The following EVI5 variants were observed in gnomAD, a reference collection of about 807,000 sequenced individuals.
The protein encoded by EVI5 is ecotropic viral integration site 5.
In EVI5, 73 loss-of-function variants were observed where a neutral mutation model predicts 112.0. That is an observed-to-expected ratio of 0.65 (90% confidence interval 0.54 to 0.79). The LOEUF (loss-of-function observed/expected upper bound fraction) is 0.79. Ranked by LOEUF, EVI5 falls within the 30% of genes least tolerant of loss-of-function variation. The probability of loss-of-function intolerance (pLI) is 0.00; values close to 1 mark genes in which losing one functional copy is unlikely to be tolerated. For missense variants in EVI5, 900 were observed against 968.8 expected (o/e 0.93, Z 0.94); for synonymous variants, 305 against 319.9 (o/e 0.95, Z 0.50).
intron 19 of EVI5, among the ~76,000 whole-genome samples, chr1:92,559,122 T>TA (rs1378557432): frequency 6.6e-6 from 1 of 152,204 alleles, no homozygotes; most frequent in Non-Finnish European, 1.5e-5. Flanking sequence ...AGATAACTTA[T>TA]AATACCTAAT....
intron 19 of EVI5, among the ~76,000 whole-genome samples, chr1:92,541,073 CA>C (rs1475613844): frequency 6.6e-6 from 1 of 151,304 alleles, no homozygotes; most frequent in Non-Finnish European, 1.5e-5. Context: ...GACTCTGTCT[CA>C]AAAAAACAAA....
chr1:92,644,647 AATATT>A (rs1660615570), intron 13 of EVI5, among the ~76,000 whole-genome samples: 1 of 152,142 alleles, frequency 6.6e-6, no homozygotes, highest in Non-Finnish European at 1.5e-5. Context: ...TTTTCCACTT[AATATT>A]ATAAGCACTT....
At chr1:92,643,112 C>T (rs1465683779) in intron 13 of EVI5, among the ~76,000 whole-genome samples, 3 of 152,076 alleles carry the variant, frequency 2.0e-5, no homozygotes, top group Non-Finnish European at 2.9e-5. Flanking sequence ...GTCAGATGTG[C>T]AACTGTGTGA....
At chr1:92,620,646 A>G (rs1654339462) in intron 16 of EVI5, among the ~76,000 whole-genome samples, 1 of 152,160 alleles carries the variant, frequency 6.6e-6, no homozygotes, top group Non-Finnish European at 1.5e-5. Flanking sequence ...AAAACTGTCA[A>G]GGCAGAATTC....
chr1:92,662,653 GA>G (rs879246976), intron 13 of EVI5, 65 bp downstream of exon 13: 1,724 of 947,832 alleles, frequency 1.8e-3, no homozygotes, highest in South Asian at 4.9e-3. Flanking sequence ...TCTGTGCTAT[GA>G]AAAAAAAAAT....
chr1:92,635,088 C>T (rs574055734), intron 14 of EVI5, among the ~76,000 whole-genome samples: 1 of 152,196 alleles, frequency 6.6e-6, no homozygotes, highest in Non-Finnish European at 1.5e-5. Flanking sequence ...CAGTCTGCCC[C>T]TACTGGGGGG....
At chr1:92,634,729 C>T (rs1027073732) in intron 14 of EVI5, among the ~76,000 whole-genome samples, 17 of 152,226 alleles carry the variant, frequency 1.1e-4, no homozygotes, top group Non-Finnish European at 4.4e-5. Context: ...TGAGGAGCTG[C>T]GTTCCTTTAG....
At chr1:92,527,218 C>A (rs751895839) in intron 19 of EVI5, among the ~76,000 whole-genome samples, 6 of 151,778 alleles carry the variant, frequency 4.0e-5, no homozygotes, top group Non-Finnish European at 7.4e-5. Context: ...AGTTCAAGAC[C>A]AGCCTGGCCA....
chr1:92,788,480 A>T (rs551620983), upstream of EVI5, among the ~76,000 whole-genome samples: 1 of 138,956 alleles, frequency 7.2e-6, no homozygotes, highest in South Asian at 2.2e-4. Context: ...CATCTCAAAA[A>T]CAAAACAAAA....
intron 18 of EVI5, among the ~76,000 whole-genome samples, chr1:92,603,676 A>AT (rs71311975): frequency 0.2 from 29,828 of 151,366 alleles, 3,494 homozygotes; most frequent in Middle Eastern, 0.26. Context: ...GGTGTATAAA[A>AT]TTTTTTTTAT....
chr1:92,519,823 G>A (rs187629813), intron 19 of EVI5, among the ~76,000 whole-genome samples: 25 of 150,670 alleles, frequency 1.7e-4, no homozygotes, highest in African/African-American at 6.1e-4. Context: ...TTGAACCCCA[G>A]AGGCAGAGTT....
chr1:92,745,785 A>T (rs1452046629), intron 1 of EVI5, among the ~76,000 whole-genome samples: 1 of 152,218 alleles, frequency 6.6e-6, no homozygotes, highest in Non-Finnish European at 1.5e-5. Flanking sequence ...TAGCCTGGGC[A>T]ACAGAATGAG....
chr1:92,650,878 T>A (rs1256811800), intron 13 of EVI5, among the ~76,000 whole-genome samples: 5 of 152,198 alleles, frequency 3.3e-5, no homozygotes, highest in African/African-American at 4.8e-5. Flanking sequence ...CTACTAAGTG[T>A]ATGCTCTATC....
intron 13 of EVI5, among the ~76,000 whole-genome samples, chr1:92,641,611 C>T (rs938152100): frequency 6.6e-6 from 1 of 152,090 alleles, no homozygotes; most frequent in African/African-American, 2.4e-5. Context: ...ATTTGGACCG[C>T]CATATCCAAA....
chr1:92,678,876 C>A (rs1268326762), intron 9 of EVI5, among the ~76,000 whole-genome samples: 1 of 152,150 alleles, frequency 6.6e-6, no homozygotes, highest in African/African-American at 2.4e-5. Flanking sequence ...AGTTGTTATA[C>A]CCACTCTGGG....
intron 1 of EVI5, among the ~76,000 whole-genome samples, chr1:92,769,966 T>C (rs955557290): frequency 2.0e-5 from 3 of 152,130 alleles, no homozygotes; most frequent in Admixed American, 2.0e-4. Flanking sequence ...CATAAGTCTT[T>C]ATGAGAGAGA....
At chr1:92,586,227 T>G (rs773733266) in intron 18 of EVI5, among the ~76,000 whole-genome samples, 3 of 152,210 alleles carry the variant, frequency 2.0e-5, no homozygotes, top group Non-Finnish European at 4.4e-5. Flanking sequence ...GTTACTCTTT[T>G]TGTCCCCCAT....
intron 19 of EVI5, among the ~76,000 whole-genome samples, chr1:92,561,544 G>C (rs1294797670): frequency 1.4e-5 from 2 of 139,824 alleles, no homozygotes; most frequent in Non-Finnish European, 3.1e-5. Context: ...TGGCAGTCCT[G>C]ATGAGACTGA....
Position 92,636,248 on chromosome 1 carries a change from T to C in EVI5, c.1481A>G (p.Gln494Arg), listed in dbSNP as rs1490085576. 4 of 1,613,634 alleles carry C rather than the reference T, an allele frequency of 2.5e-6. No individual in the cohort carries two copies. Residue 494 changes from glutamine (Q) to arginine (R), a missense_variant, in exon 14 of 20, where the codon CAG becomes CGG. Transcript: ENST00000684568. ...VQARLSEAESQCALKEMQDKV... is the reference protein window; with the variant it reads ...VQARLSEAESRCALKEMQDKV... Reference sequence around the variant, plus strand: ...ATCCTGCATCTCTTTTAATGCACACTGAGACTCAGCTTCACTCAGTCGGGC... The same window carrying C: ...ATCCTGCATCTCTTTTAATGCACACCGAGACTCAGCTTCACTCAGTCGGGC...
Sources: allele counts gnomAD v4.1 joint callset (sites outside exome capture counted in the v4.1 genomes callset), GRCh38; gene constraint gnomAD v4.1.1; transcripts MANE v1.5; gene names NCBI Gene and HGNC (gene_info 2026-07-23, HGNC 2026-07-21).